The following SLK variants were observed in gnomAD, a reference collection of about 807,000 sequenced individuals.
SLK encodes the protein STE20-like serine/threonine-protein kinase.
Under a neutral mutation model 147.7 loss-of-function variants are expected in SLK, and 67 were observed. The ratio of observed to expected loss-of-function variants is 0.45; its 90% CI spans 0.37 to 0.56. The LOEUF (loss-of-function observed/expected upper bound fraction) is 0.56, where lower values mean the gene tolerates loss of function less well. Among genes scored for constraint, SLK ranks in the 20% least tolerant of loss-of-function variants. SLK has a pLI of 0.00. For synonymous variants in SLK, 441 were observed against 475.0 expected (o/e 0.93, Z 0.93); for missense variants, 1,136 against 1,438.8 (o/e 0.79, Z 3.41).
At chr10:104,001,693 T>G (rs1844250378) in intron 8 of SLK, 121 bp downstream of exon 8, 2 of 1,051,014 alleles carry the variant, frequency 1.9e-6, no homozygotes, top group Admixed American at 2.2e-5. Flanking sequence ...ACCTGAAGAT[T>G]AGTAGCAAGG....
Position 104,003,090 on chromosome 10 carries a change from G to T in SLK, c.1912G>T (p.Glu638Ter). The change falls in exon 9 of 19, where the codon GAA becomes TAA. Residue 638 changes from glutamate (E) to a stop codon, truncating the protein, a stop_gained. Transcript: ENST00000369755. LOFTEE classifies it high-confidence loss of function. ...CATCAATGAGGAACCAGGAACAACT[G>T]AAGGTGAAGAAATCACTGAGTCAAG... ...MDINEEPGTT[E>*]GEEITESSST... 6.2e-7 allele frequency: 1 copy of T among 1,614,114 alleles called. No individual in the cohort carries two copies. Among genetic ancestry groups the T allele is most frequent in the Non-Finnish European group, 8.5e-7 (1 of 1,179,994 alleles).
intron 18 of SLK, among the ~76,000 whole-genome samples, chr10:104,024,337 C>T (rs185871180): frequency 4.7e-4 from 71 of 152,224 alleles, no homozygotes; most frequent in Non-Finnish European, 8.4e-4. Context: ...TCTCTTGACA[C>T]TGTCATACTG....
At chr10:103,975,500 T>C (rs1457678090) in intron 1 of SLK, among the ~76,000 whole-genome samples, 2 of 131,426 alleles carry the variant, frequency 1.5e-5, no homozygotes, top group Non-Finnish European at 3.2e-5. Flanking sequence ...TCACTGTCAT[T>C]TCACTAGTCA....
At position 104,003,428 on chromosome 10, in the gene SLK, A is replaced by C; in HGVS notation, c.2250A>C (p.Ser750=). ...SENPKENDND[S]GTGSTADTSS... The stretch of plus-strand genomic sequence containing the variant: ...ATCCAAAGGAAAATGATAATGATTC[A>C]GGCACTGGTTCCACTGCTGATACTA... Residue 750 remains serine, a synonymous_variant, in exon 9 of 19, where the codon TCA becomes TCC. Coordinates refer to ENST00000369755, the MANE Select transcript of SLK (RefSeq NM_014720.4). 4.3e-6 allele frequency: 7 copies of C among 1,613,786 alleles called. No homozygotes were observed. Among genetic ancestry groups the C allele is most frequent in the Non-Finnish European group, 5.9e-6 (7 of 1,179,700 alleles).
intron 1 of SLK, among the ~76,000 whole-genome samples, chr10:103,969,573 G>A (rs1843766122): frequency 6.6e-6 from 1 of 152,220 alleles, no homozygotes; most frequent in Non-Finnish European, 1.5e-5. Context: ...GTCTGCATAT[G>A]AATGCTGTCG....
intron 13 of SLK, among the ~76,000 whole-genome samples, chr10:104,012,085 A>T (rs897959171): frequency 2.0e-5 from 3 of 151,890 alleles, no homozygotes; most frequent in Non-Finnish European, 4.4e-5. Context: ...TATCTTTTTA[A>T]TTTGTTGTTT....
Position 103,967,294 on chromosome 10 carries a change from CG to C in SLK, c.-449del, listed in dbSNP as rs1347263873. 6.7e-6 allele frequency: 1 copy of C among 149,464 alleles called. No individual in the cohort carries two copies. Among genetic ancestry groups the C allele is most frequent in the African/African-American group, 2.4e-5 (1 of 41,180 alleles). 9.3% of individuals were successfully genotyped at this position (149,464 alleles called of 1,614,324 possible). ...GAGACCCTAGGCTCGCGGCCCGAGG[CG>C]GGAGGGCTCGGCTTCTCGACTGCCC... On this transcript the variant is annotated 5_prime_UTR_variant, in exon 1 of 19. Transcript: ENST00000369755.
intron 12 of SLK, among the ~76,000 whole-genome samples, chr10:104,009,784 A>AT (rs66844079): frequency 6.0e-5 from 9 of 151,044 alleles, no homozygotes; most frequent in African/African-American, 1.7e-4. Flanking sequence ...TACATTATGT[A>AT]TTTTTTTTTC....
intron 4 of SLK, 58 bp from the exon 5 acceptor site, chr10:103,998,841 G>C (rs1844208497): frequency 3.3e-6 from 4 of 1,222,780 alleles, no homozygotes; most frequent in Non-Finnish European, 3.6e-6. Context: ...TCTCCCCATT[G>C]AATACAATGA....
chr10:103,994,018 C>T (rs1231893848), intron 4 of SLK, among the ~76,000 whole-genome samples: 2 of 151,944 alleles, frequency 1.3e-5, no homozygotes, highest in African/African-American at 4.8e-5. Flanking sequence ...CCTTATCCTC[C>T]CTAGTAGCTG....
rs1462253722 is a variant in SLK, at chr10:104,029,135, A to G, written c.*3415A>G. ...GAGTTCATAAGCTAAATTTTCAGAAAGAATTTTGTTTAAGATTATGCCTCT... is the reference window on the plus strand; with the variant it reads ...GAGTTCATAAGCTAAATTTTCAGAAGGAATTTTGTTTAAGATTATGCCTCT... On this transcript the variant is annotated 3_prime_UTR_variant, in exon 19 of 19. Coordinates refer to ENST00000369755, the MANE Select transcript of SLK (RefSeq NM_014720.4). The G allele has an allele frequency of 6.6e-6, 1 of 152,222 alleles. No individual in the cohort carries two copies. Among genetic ancestry groups the G allele is most frequent in the Non-Finnish European group, 1.5e-5 (1 of 68,034 alleles). The allele number at this position is 152,222 out of a possible 1,614,324, so 9.4% of individuals were successfully genotyped here.
At chr10:103,999,800 C>T (rs970006035) in intron 6 of SLK, 67 bp from the exon 7 acceptor site, 6 of 652,916 alleles carry the variant, frequency 9.2e-6, no homozygotes, top group Non-Finnish European at 1.4e-5. Flanking sequence ...CATAACTTAT[C>T]AAAGAGTTTT....
chr10:104,014,772 T>A (rs1844441653), intron 13 of SLK, among the ~76,000 whole-genome samples: 1 of 152,202 alleles, frequency 6.6e-6, no homozygotes, highest in African/African-American at 2.4e-5. Context: ...TTATCCACAT[T>A]TAAACTTGTA....
chr10:103,999,114 C>T lies in SLK; in HGVS notation c.588-5C>T. 6.2e-7 allele frequency: 1 copy of T among 1,602,248 alleles called. No homozygotes were observed. Among genetic ancestry groups the T allele is most frequent in the South Asian group, 1.1e-5 (1 of 89,210 alleles). On this transcript the variant is annotated splice_polypyrimidine_tract_variant and splice_region_variant and intron_variant, in intron 5 of 18. Coordinates refer to ENST00000369755, the MANE Select transcript of SLK (RefSeq NM_014720.4). ...ATGTTAACTTTTAATTATCTGTCTT[C>T]ATAGGATGGCTCCTGAAGTAGTCAT...
intron 8 of SLK, among the ~76,000 whole-genome samples, 167 bp from the exon 9 acceptor site, chr10:104,002,005 C>G (rs78031361): frequency 6.6e-6 from 1 of 152,100 alleles, no homozygotes; most frequent in Non-Finnish European, 1.5e-5. Flanking sequence ...TGTGTGCCAC[C>G]GCACCCGGCC....
At chr10:103,972,093 T>G (rs1843800291) in intron 1 of SLK, among the ~76,000 whole-genome samples, 1 of 152,258 alleles carries the variant, frequency 6.6e-6, no homozygotes, top group Non-Finnish European at 1.5e-5. Flanking sequence ...GTATTGTGTT[T>G]GTGAGGTTCA....
intron 4 of SLK, among the ~76,000 whole-genome samples, chr10:103,997,038 T>G (rs1204234695): frequency 6.6e-6 from 1 of 152,214 alleles, no homozygotes; most frequent in Non-Finnish European, 1.5e-5. Flanking sequence ...TCTTTTCATC[T>G]TGCAGCAGTT....
intron 1 of SLK, among the ~76,000 whole-genome samples, chr10:103,968,676 A>C (rs1308866105): frequency 6.6e-6 from 1 of 152,232 alleles, no homozygotes; most frequent in Non-Finnish European, 1.5e-5. Flanking sequence ...TTTATGAGAC[A>C]GCGTTTAGGG....
rs75518849 is a variant in SLK at position 104,008,455 on chromosome 10, G to A, written c.2784+99G>A. ...TTAGGAATACTAATAATACTTGAGA[G>A]TTAAATAGCACCTATTCATTCTTTC... On this transcript the variant is annotated intron_variant, in intron 12 of 18. Transcript: ENST00000369755. The A allele has an allele frequency of 3.8e-3, 2,859 of 747,554 alleles. 63 individuals are homozygous for A. In the African/African-American group the frequency reaches 0.046, roughly 12 times the overall value. The allele number at this position is 747,554 out of a possible 1,614,324, so 46.3% of individuals were successfully genotyped here.
Sources: allele counts gnomAD v4.1 joint callset (sites outside exome capture counted in the v4.1 genomes callset), GRCh38; gene constraint gnomAD v4.1.1; transcripts MANE v1.5; gene names NCBI Gene and HGNC (gene_info 2026-07-23, HGNC 2026-07-21).